ASH1L: variants seen among roughly 807,000 people sequenced by gnomAD.
ASH1L encodes the protein ASH1 like histone lysine methyltransferase, also known as histone-lysine N-methyltransferase ASH1L.
Under a neutral mutation model 269.0 loss-of-function variants are expected in ASH1L, and 23 were observed. That is an observed-to-expected ratio of 0.09 (90% CI 0.06 to 0.12). The LOEUF is 0.12. Among genes scored for constraint, ASH1L ranks in the 10% least tolerant of loss-of-function variants. ASH1L has a pLI of 1.00. For missense variants in ASH1L, 2,912 were observed against 3,567.8 expected, an observed-to-expected ratio of 0.82 and a Z score of 4.68; for synonymous variants, 1,187 against 1,253.5, an observed-to-expected ratio of 0.95 and a Z score of 1.12.
chr1:155,478,360 T>C lies in ASH1L; in HGVS notation c.4510A>G (p.Thr1504Ala). ...SSEQPQVSMD[T>A]GSSRSVLESL... ...TCCAGGACAGATCGGGAAGAGCCAG[T>C]GTCCATAGAAACCTGGGGTTGTTCA... The change falls in exon 3 of 28, where the codon ACT (threonine) becomes GCT (alanine). Residue 1504 changes from threonine (T) to alanine (A), a missense_variant. By Grantham distance (58) the Thr-to-Ala change is moderately conservative (BLOSUM62 0). Transcript: ENST00000392403. This position sits in a 1 kb window ranked among gnomAD's most constrained non-coding sequence, Gnocchi z 4.6. 1 of 1,614,130 alleles carries C rather than the reference T, an allele frequency of 6.2e-7. No individual in the cohort carries two copies. The highest frequency in any genetic ancestry group is 8.5e-7 in the Non-Finnish European group (1 of 1,180,018).
chr1:155,562,846 T>TCCC, upstream of ASH1L: 1 of 307,100 alleles, frequency 3.3e-6, no homozygotes. Context: ...TCCCCCCCCT[T>TCCC]CCCCGCCCCC....
In ASH1L at chr1:155,441,454, CTTTTTTTTTT is replaced by C. The variant is rs34682576; in HGVS notation, c.5087-2396_5087-2387del. 7.2e-4 allele frequency among the ~76,000 whole-genome samples: 53 copies of C among 73,622 alleles called. 1 individual carries two copies. Among genetic ancestry groups the C allele is most frequent in the African/African-American group, 1.9e-3 (40 of 20,638 alleles). The allele number at this position is 73,622 out of a possible 152,430, so 48.3% of individuals were successfully genotyped here. On this transcript the variant is annotated intron_variant, in intron 4 of 27. Coordinates refer to ENST00000392403, the MANE Select transcript of ASH1L (RefSeq NM_018489.3). Reference sequence around the variant, plus strand: ...CCACCAGATATTTGAATAAAGAATCCTTTTTTTTTTTTTTTTTTTTTTTTTTGAGACGGAG... The same window carrying C: ...CCACCAGATATTTGAATAAAGAATCCTTTTTTTTTTTTTTTTGAGACGGAG...
rs560991274 is a variant in ASH1L, at chr1:155,512,735, T to C, written c.420+8365A>G. On this transcript the variant is annotated intron_variant, in intron 2 of 27. Transcript: ENST00000392403. ...CCAAAGTGCTGCGATTAGTCTTATG[T>C]TTAAAAAACAAAAAAACACATATCA... Among the ~76,000 whole-genome samples, 23 of 151,718 alleles carry C rather than the reference T, an allele frequency of 1.5e-4. No homozygotes were observed. In the South Asian group the frequency reaches 4.8e-3, roughly 32 times the overall value.
intron 12 of ASH1L, among the ~76,000 whole-genome samples, chr1:155,361,915 A>G (rs1295431542): frequency 6.6e-6 from 1 of 150,906 alleles, no homozygotes; most frequent in Non-Finnish European, 1.5e-5. Context: ...TTATTAAATG[A>G]GTTAAAATTA....
At position 155,349,344 on chromosome 1, in the gene ASH1L, C is replaced by T. The variant is rs1440727642; in HGVS notation, c.7537G>A (p.Val2513Ile). ...AAAAATACCTCAGCATTCCGAAAGACTTTGAGCATGTCAGCATCAAAAGCT... is the reference window on the plus strand; with the variant it reads ...AAAAATACCTCAGCATTCCGAAAGATTTTGAGCATGTCAGCATCAAAAGCT... The part of the protein sequence containing the change: ...VEAFDADMLK[V>I]FRNAEKYYGR... Residue 2513 changes from valine (V) to isoleucine (I), a missense_variant, in exon 19 of 28, where the codon GTC becomes ATC. Val to Ile is a conservative substitution (Grantham distance 29). This residue lies in a region of ASH1L where 309 missense variants were observed against 435.1 expected (regional missense o/e 0.71). Transcript: ENST00000392403. The T allele has an allele frequency of 1.2e-6, 2 of 1,613,140 alleles. No homozygotes were observed. The highest frequency in any genetic ancestry group is 3.3e-5 in the Admixed American group (2 of 59,952).
Position 155,378,532 on chromosome 1 carries a change from T to C in ASH1L, c.6194A>G (p.Asp2065Gly), listed in dbSNP as rs1283468679. 1 of 1,612,904 alleles carries C rather than the reference T, an allele frequency of 6.2e-7. No homozygotes were observed. Residue 2065 changes from aspartate to glycine, a missense_variant, in exon 9 of 28, where the codon GAT (aspartate) becomes GGT (glycine). This residue lies in a region of ASH1L where 193 missense variants were observed against 311.6 expected (regional missense o/e 0.62). Coordinates refer to ENST00000392403, the MANE Select transcript of ASH1L (RefSeq NM_018489.3). ...ACGAATTTTCTTATATAGTGGGACA[T>C]CTGGCTTTTTGTATAGCTAGAAGAA... is the stretch of plus-strand genomic sequence containing the variant. Reference protein sequence around the residue: ...WKHNQLYKKPDVPLYKKIRSN... With the variant: ...WKHNQLYKKPGVPLYKKIRSN...
At chr1:155,417,507 T>C (rs968359878) in intron 5 of ASH1L, among the ~76,000 whole-genome samples, 9 of 152,150 alleles carry the variant, frequency 5.9e-5, no homozygotes, top group Non-Finnish European at 1.2e-4. Flanking sequence ...ACCAGAAAAC[T>C]GTAACCTGAG....
In ASH1L at chr1:155,426,267, A is replaced by G. The variant is rs575566003; in HGVS notation, c.5829-10344T>C. On this transcript the variant is annotated intron_variant, in intron 5 of 27. Transcript: ENST00000392403. ...TGTATTTTAGTAGAGATGGGGTTTC[A>G]CCATGTTGCCCAGGCTGGTCTCGAA... 9.1e-4 allele frequency among the ~76,000 whole-genome samples: 137 copies of G among 151,372 alleles called. 1 individual carries two copies. The highest frequency in any genetic ancestry group is 3.2e-3 in the African/African-American group (133 of 41,266).
At chr1:155,512,306 A>G (rs1022005570) in intron 2 of ASH1L, among the ~76,000 whole-genome samples, 2 of 151,476 alleles carry the variant, frequency 1.3e-5, no homozygotes, top group Admixed American at 6.6e-5. Flanking sequence ...AATCCCAGCT[A>G]CTCGGGAGGC....
At chr1:155,384,438 T>C (rs917643056) in intron 7 of ASH1L, among the ~76,000 whole-genome samples, 3 of 151,904 alleles carry the variant, frequency 2.0e-5, no homozygotes, top group African/African-American at 4.8e-5. Flanking sequence ...TTTATCCTTA[T>C]AGGTAAGGGT....
chr1:155,374,088 G>C lies in ASH1L; in HGVS notation c.6333-3105C>G, dbSNP rs187350362. ...TCATGCCTGTAATCCCAGCACTTTG[G>C]GGGGCAGAGGCGGGAGGATCACGTG... is the stretch of plus-strand genomic sequence containing the variant. On this transcript the variant is annotated intron_variant, in intron 10 of 27. Coordinates refer to ENST00000392403, the MANE Select transcript of ASH1L (RefSeq NM_018489.3). 4.4e-3 allele frequency among the ~76,000 whole-genome samples: 671 copies of C among 152,296 alleles called. 1 individual carries two copies. Among genetic ancestry groups the C allele is most frequent in the Middle Eastern group, 0.017 (5 of 294 alleles).
At chr1:155,453,919 G>A (rs993516575) in intron 4 of ASH1L, among the ~76,000 whole-genome samples, 4 of 152,086 alleles carry the variant, frequency 2.6e-5, no homozygotes, top group East Asian at 1.9e-4. Context: ...TGGCTAACAC[G>A]GTGAAACCCC....
At chr1:155,525,936 A>C (rs983616400) in intron 1 of ASH1L, among the ~76,000 whole-genome samples, 4 of 152,152 alleles carry the variant, frequency 2.6e-5, no homozygotes, top group African/African-American at 7.2e-5. Flanking sequence ...GATTACTTAT[A>C]ATACCTAACA....
chr1:155,379,738 G>C (rs964461872), intron 8 of ASH1L, among the ~76,000 whole-genome samples: 1 of 152,112 alleles, frequency 6.6e-6, no homozygotes, highest in Non-Finnish European at 1.5e-5. Flanking sequence ...AAATTCTCCT[G>C]AGACCTGCAT....
At chr1:155,463,613 C>T (rs1351889122) in intron 3 of ASH1L, among the ~76,000 whole-genome samples, 2 of 151,648 alleles carry the variant, frequency 1.3e-5, no homozygotes, top group East Asian at 1.9e-4. Flanking sequence ...GACAATATGG[C>T]GAAACTCAGT....
At chr1:155,432,329 A>G (rs1661672257) in intron 5 of ASH1L, among the ~76,000 whole-genome samples, 1 of 152,180 alleles carries the variant, frequency 6.6e-6, no homozygotes, top group African/African-American at 2.4e-5. Flanking sequence ...TATTTCTATT[A>G]TATACAGTAC....
At chr1:155,549,101 T>G (rs1671022564) in intron 1 of ASH1L, among the ~76,000 whole-genome samples, 1 of 152,204 alleles carries the variant, frequency 6.6e-6, no homozygotes, top group Non-Finnish European at 1.5e-5. Flanking sequence ...GGTATTATAA[T>G]TAATCCAGAG....
rs61732805 is a variant in ASH1L, at chr1:155,438,845, G to T, written c.5310C>A (p.Val1770=). 19,265 of 1,614,114 alleles carry T rather than the reference G, an allele frequency of 0.012. 127 individuals carry two copies. Among genetic ancestry groups the T allele is most frequent in the Non-Finnish European group, 0.014 (16,888 of 1,180,032 alleles). The stretch of plus-strand genomic sequence containing the variant: ...TGCTATTATTGCAAGAGTCACTTGT[G>T]ACTGCAGGCACTAAAAGGCTGTCTG... ...GKPDSLLVPA[V]TSDSCNNSIS... Residue 1770 remains valine, a synonymous_variant, in exon 5 of 28, where the codon GTC becomes GTA. Transcript: ENST00000392403.
At chr1:155,453,387 T>C (rs1433690221) in intron 4 of ASH1L, among the ~76,000 whole-genome samples, 2 of 152,144 alleles carry the variant, frequency 1.3e-5, no homozygotes, top group Non-Finnish European at 2.9e-5. Context: ...TAAACGCCTT[T>C]GCAATCTTTT....
Sources: gnomAD v4.1 joint callset for allele counts (sites outside exome capture counted in the v4.1 genomes callset) on GRCh38, gnomAD v4.1.1 for gene constraint, gnomAD v4.1.1 regional missense constraint, Gnocchi (gnomAD v3.1) non-coding constraint, MANE v1.5 for transcripts, NCBI Gene and HGNC (gene_info 2026-07-23, HGNC 2026-07-21) for gene names.